The following DTNA variants were observed in gnomAD, a reference collection of about 807,000 sequenced individuals.
The protein encoded by DTNA is dystrobrevin alpha, also known as dystrophin-related protein 3.
Under a neutral mutation model 100.7 loss-of-function variants are expected in DTNA, and 43 were observed. The ratio of observed to expected loss-of-function variants is 0.43; its 90% CI spans 0.33 to 0.55. The LOEUF is 0.55. DTNA is among the 20% of genes least tolerant of loss of function. The pLI, the probability that DTNA is intolerant of heterozygous loss-of-function variation, is 0.04. For missense variants in DTNA, 798 were observed against 953.9 expected (o/e 0.84, Z 2.15); for synonymous variants, 349 against 347.9 (o/e 1.00, Z -0.04).
At chr18:34,648,981 GT>G (rs770253301) in intron 1 of DTNA, among the ~76,000 whole-genome samples, 3 of 152,124 alleles carry the variant, frequency 2.0e-5, no homozygotes, top group Non-Finnish European at 4.4e-5. Flanking sequence ...TCAATTTAAT[GT>G]TTTAGGAAGT....
chr18:34,769,971 T>G (rs1208821896), intron 3 of DTNA, among the ~76,000 whole-genome samples: 1 of 151,968 alleles, frequency 6.6e-6, no homozygotes, highest in African/African-American at 2.4e-5. Flanking sequence ...TCTGCCCGCC[T>G]TGGCCTCCCA....
intron 16 of DTNA, 112 bp from the exon 17 acceptor site, chr18:34,863,854 C>T: frequency 5.0e-6 from 5 of 1,009,700 alleles, no homozygotes; most frequent in Non-Finnish European, 6.0e-6. Flanking sequence ...GTAACCTTGT[C>T]AGAGACCCAG....
intron 1 of DTNA, among the ~76,000 whole-genome samples, chr18:34,552,814 G>C (rs9945605): frequency 7.1e-6 from 1 of 141,460 alleles, no homozygotes; most frequent in South Asian, 2.2e-4. Context: ...TCTTTGCTAT[G>C]GTGAATAATG....
rs1050609236 is a variant in DTNA at position 34,618,443 on chromosome 18, C to A, written c.-2+124929C>A. Among the ~76,000 whole-genome samples, 25 of 152,080 alleles carry A rather than the reference C, an allele frequency of 1.6e-4. 1 individual carries two copies. The highest frequency in any genetic ancestry group is 6.0e-4 in the African/African-American group (25 of 41,426). ...CATTCAAACATGGTATCAGATAGTT[C>A]TCTATACACAGATCAAGCAAATGGA... On this transcript the variant is annotated intron_variant, in intron 1 of 19. Coordinates refer to the DTNA transcript ENST00000283365.
intron 1 of DTNA, among the ~76,000 whole-genome samples, chr18:34,528,834 A>C (rs1352983829): frequency 6.6e-6 from 1 of 152,166 alleles, no homozygotes; most frequent in Non-Finnish European, 1.5e-5. Context: ...TGCCATATTT[A>C]CATAGTTGAT....
At chr18:34,574,634 T>G (rs1472725494) in intron 1 of DTNA, 1 of 152,018 alleles carries the variant, frequency 6.6e-6, no homozygotes, top group African/African-American at 2.4e-5. Flanking sequence ...TTTTTATTGT[T>G]ATTATTATTA....
rs1555794022 is a variant in DTNA, at chr18:34,785,829, A to AT, written c.149-8208_149-8207insT. On this transcript the variant is annotated intron_variant, in intron 3 of 22. Coordinates refer to ENST00000444659, the MANE Select transcript of DTNA (RefSeq NM_001386795.1). ...ACATGTAAGTTCTGTGTGATTAGGGACCTATTTTGTACACTCCAATTCTAG... is the reference window on the plus strand; with the variant it reads ...ACATGTAAGTTCTGTGTGATTAGGGATCCTATTTTGTACACTCCAATTCTAG... Among the ~76,000 whole-genome samples the AT allele has an allele frequency of 4.3e-4, 3 of 6,928 alleles. No individual in the cohort carries two copies. In the Admixed American group the frequency reaches 0.011, roughly 26 times the overall value. 4.5% of individuals were successfully genotyped at this position (6,928 alleles called of 152,430 possible). A position where few individuals can be genotyped will look rare whatever the true frequency, so the allele number is the denominator to read the frequency against.
Position 34,787,443 on chromosome 18 carries a change from G to T in DTNA, c.149-6594G>T, listed in dbSNP as rs141446446. 8.3e-4 allele frequency among the ~76,000 whole-genome samples: 127 copies of T among 152,252 alleles called. 2 individuals carry two copies. In the East Asian group the frequency reaches 0.011, roughly 13 times the overall value. On this transcript the variant is annotated intron_variant, in intron 3 of 22. Coordinates refer to ENST00000444659, the MANE Select transcript of DTNA (RefSeq NM_001386795.1). ...ACCCAGCCTCAGGGATTCAAGAAAG[G>T]CTGGCCCTGGATAAATCATAAAATA...
At chr18:34,769,647 G>T (rs1160856829) in intron 3 of DTNA, among the ~76,000 whole-genome samples, 2 of 151,452 alleles carry the variant, frequency 1.3e-5, no homozygotes, top group East Asian at 3.9e-4. Context: ...TATCTAGGGA[G>T]GGCAGCCTTC....
At chr18:34,642,504 C>CCTTT (rs979591384) in intron 1 of DTNA, among the ~76,000 whole-genome samples, 3 of 151,650 alleles carry the variant, frequency 2.0e-5, no homozygotes, top group Non-Finnish European at 4.4e-5. Context: ...TTCCTTCCTT[C>CCTTT]CTTTCTTTCT....
At position 34,891,700 on chromosome 18, in the gene DTNA, T is replaced by G. The variant is rs1391497976; in HGVS notation, c.*3966T>G. 6.6e-6 allele frequency: 1 copy of G among 152,256 alleles called. No individual in the cohort carries two copies. Among genetic ancestry groups the G allele is most frequent in the Non-Finnish European group, 1.5e-5 (1 of 68,042 alleles). 9.4% of individuals were successfully genotyped at this position (152,256 alleles called of 1,614,324 possible). On this transcript the variant is annotated 3_prime_UTR_variant, in exon 23 of 23. Transcript: ENST00000444659. ...TTTGAAATTCTAACAGCTAACATAT[T>G]TCATGTTTGTATCACACACTGTTCT... is the stretch of plus-strand genomic sequence containing the variant.
chr18:34,575,775 A>G (rs1317464029), intron 1 of DTNA, among the ~76,000 whole-genome samples: 1 of 152,216 alleles, frequency 6.6e-6, no homozygotes, highest in African/African-American at 2.4e-5. Flanking sequence ...TTTGTGTAAC[A>G]TCAACCATCA....
intron 1 of DTNA, among the ~76,000 whole-genome samples, chr18:34,549,226 G>A (rs1402682401): frequency 6.6e-6 from 1 of 151,990 alleles, no homozygotes; most frequent in African/African-American, 2.4e-5. Context: ...GTCCACACTA[G>A]AGCCATCAGA....
intron 3 of DTNA, among the ~76,000 whole-genome samples, chr18:34,788,746 A>G (rs764650781): frequency 3.3e-5 from 5 of 152,238 alleles, no homozygotes; most frequent in South Asian, 2.1e-4. Context: ...TGTGGCTGCA[A>G]TGCACTTTGT....
intron 1 of DTNA, among the ~76,000 whole-genome samples, chr18:34,614,062 T>A (rs1236480210): frequency 1.3e-5 from 2 of 152,200 alleles, no homozygotes; most frequent in Non-Finnish European, 2.9e-5. Flanking sequence ...TGCTTATTTG[T>A]CATTCAAAGA....
intron 12 of DTNA, 104 bp from the exon 13 acceptor site, chr18:34,838,641 G>T (rs2096204638): frequency 8.4e-6 from 8 of 953,926 alleles, no homozygotes; most frequent in Non-Finnish European, 1.4e-5. Context: ...TACCTGCTTG[G>T]TTTTCTAAAT....
upstream of DTNA, among the ~76,000 whole-genome samples, chr18:34,707,624 A>G (rs1029456449): frequency 1.3e-5 from 2 of 152,148 alleles, no homozygotes; most frequent in African/African-American, 4.8e-5. Context: ...GATACGTGTA[A>G]TGGCCACATA....
At chr18:34,684,795 C>CCT (rs2078641324) in intron 1 of DTNA, among the ~76,000 whole-genome samples, 1 of 152,168 alleles carries the variant, frequency 6.6e-6, no homozygotes, top group Non-Finnish European at 1.5e-5. Context: ...TTCTCCACAT[C>CCT]CTCTCCAGCA....
At position 34,815,938 on chromosome 18, in the gene DTNA, C is replaced by T. The variant is rs1425308391; in HGVS notation, c.633C>T (p.Asp211=). The change falls in exon 7 of 23, where the codon GAC becomes GAT. Residue 211 remains aspartate, a synonymous_variant. Coordinates refer to ENST00000444659, the MANE Select transcript of DTNA (RefSeq NM_001386795.1). Reference sequence around the variant, plus strand: ...AAGTCACGTTAAATGGTTTCTTGGACACGCTTATGTCAGATCCTCCCCCGC... The same window carrying T: ...AAGTCACGTTAAATGGTTTCTTGGATACGCTTATGTCAGATCCTCCCCCGC... ...QKKVTLNGFL[D]TLMSDPPPQC... 1 of 1,613,654 alleles carries T rather than the reference C, an allele frequency of 6.2e-7. No individual in the cohort carries two copies. The highest frequency in any genetic ancestry group is 8.5e-7 in the Non-Finnish European group (1 of 1,179,788).
Sources: allele counts gnomAD v4.1 joint callset (sites outside exome capture counted in the v4.1 genomes callset), GRCh38; gene constraint gnomAD v4.1.1; transcripts MANE v1.5; gene names NCBI Gene and HGNC (gene_info 2026-07-23, HGNC 2026-07-21).